KLKB1: variants seen among roughly 807,000 people sequenced by gnomAD.
KLKB1 encodes the protein kallikrein B1, also known as plasma kallikrein.
KLKB1 carries 58 observed loss-of-function variants against 73.6 expected under a neutral mutation model. The ratio of observed to expected loss-of-function variants is 0.79; its 90% CI spans 0.64 to 0.98. The LOEUF (loss-of-function observed/expected upper bound fraction) is 0.98, where lower values mean the gene tolerates loss of function less well. Ranked by LOEUF, KLKB1 falls within the 50% of genes least tolerant of loss-of-function variation. The pLI is 0.00. For synonymous variants in KLKB1, 280 were observed against 258.1 expected (o/e 1.08, Z -0.81); for missense variants, 737 against 763.8 (o/e 0.96, Z 0.41).
At chr4:186,225,505 C>T (rs1244404025), upstream of KLKB1, among the ~76,000 whole-genome samples, 3 of 145,778 alleles carry the variant, frequency 2.1e-5, no homozygotes, top group African/African-American at 5.2e-5. Flanking sequence ...AATCTCGGCT[C>T]ACTGCAAGCT....
intron 2 of KLKB1, among the ~76,000 whole-genome samples, chr4:186,231,725 C>A (rs942420341): frequency 1.3e-5 from 2 of 152,196 alleles, no homozygotes; most frequent in African/African-American, 4.8e-5. Context: ...TCTAATTTCC[C>A]TTACAGAATT....
At position 186,245,885 on chromosome 4, in the gene KLKB1, C is replaced by T. The variant is rs4253368; in HGVS notation, c.599-4358C>T. 5.7e-3 allele frequency among the ~76,000 whole-genome samples: 821 copies of T among 144,362 alleles called. 8 individuals carry two copies. The highest frequency in any genetic ancestry group is 0.02 in the African/African-American group (776 of 39,542). 94.7% of individuals were successfully genotyped at this position (144,362 alleles called of 152,430 possible). A position where few individuals can be genotyped will look rare whatever the true frequency, so the allele number is the denominator to read the frequency against. On this transcript the variant is annotated intron_variant, in intron 6 of 14. Coordinates refer to ENST00000264690, the MANE Select transcript of KLKB1 (RefSeq NM_000892.5). ...TAAAATGCATATTGAGAATAAGAGG[C>T]CTTCTGACCCTTCTGGGTCTAGGGC...
chr4:186,243,122 G>A (rs1339506842), intron 6 of KLKB1, among the ~76,000 whole-genome samples: 1 of 152,188 alleles, frequency 6.6e-6, no homozygotes, highest in African/African-American at 2.4e-5. Flanking sequence ...TGCCAGTCCT[G>A]GGCGGGGGCA....
chr4:186,254,670 A>G lies in KLKB1; in HGVS notation c.1396A>G (p.Ile466Val), dbSNP rs140816495. Residue 466 changes from isoleucine to valine, a missense_variant, in exon 12 of 15, where the codon ATA (isoleucine) becomes GTA (valine). Transcript: ENST00000264690. ...DITKDTPFSQIKEIIIHQNYK... is the reference protein window; with the variant it reads ...DITKDTPFSQVKEIIIHQNYK... The stretch of plus-strand genomic sequence containing the variant: ...TACAAAAGATACACCTTTCTCACAA[A>G]TAAAAGAGATTATTATTCACCAAAA... 2.3e-5 allele frequency: 37 copies of G among 1,613,594 alleles called. No homozygotes were observed. The African/African-American group carries it at 4.5e-4, about 20-fold the overall frequency.
upstream of KLKB1, among the ~76,000 whole-genome samples, chr4:186,224,369 G>A (rs1737105193): frequency 6.6e-6 from 1 of 152,228 alleles, no homozygotes; most frequent in African/African-American, 2.4e-5. Context: ...CAGGCACTCA[G>A]TGCCGGCCCA....
At chr4:186,222,801 A>T (rs1737059072), upstream of KLKB1, among the ~76,000 whole-genome samples, 1 of 152,100 alleles carries the variant, frequency 6.6e-6, no homozygotes, top group Non-Finnish European at 1.5e-5. Flanking sequence ...TAAACTTGAG[A>T]ATTCCCTTTA....
At chr4:186,254,021 C>CG (rs1455021824) in intron 11 of KLKB1, among the ~76,000 whole-genome samples, 2 of 152,076 alleles carry the variant, frequency 1.3e-5, no homozygotes, top group African/African-American at 2.4e-5. Context: ...TTAGTAGAGA[C>CG]GAGGTTTCAT....
At chr4:186,225,533 A>G (rs9994208), upstream of KLKB1, among the ~76,000 whole-genome samples, 104,506 of 150,344 alleles carry the variant, frequency 0.7, 36,897 homozygotes, top group African/African-American at 0.81. Flanking sequence ...CTGGGTTCAC[A>G]CCATTTTCCT....
intron 2 of KLKB1, among the ~76,000 whole-genome samples, chr4:186,213,958 AT>A (rs1248830474): frequency 6.6e-6 from 1 of 152,028 alleles, no homozygotes; most frequent in African/African-American, 2.4e-5. Flanking sequence ...TTCTGTTCTC[AT>A]CTTTTTCCTT....
chr4:186,225,017 G>A (rs369434108), upstream of KLKB1, among the ~76,000 whole-genome samples: 3 of 152,084 alleles, frequency 2.0e-5, no homozygotes, highest in South Asian at 2.1e-4. Context: ...TCTCTCTCTC[G>A]TATCACCTTG....
intron 6 of KLKB1, among the ~76,000 whole-genome samples, chr4:186,245,802 G>GTTTTTTTTTTTTTTTTTTTT (rs755207618): frequency 1.8e-5 from 1 of 54,934 alleles, no homozygotes; most frequent in Non-Finnish European, 4.3e-5. Context: ...AATTTTTGGA[G>GTTTTTTTTTTTTTTTTTTTT]TTTTTTTTTG....
chr4:186,216,775 A>G (rs971238064), intron 2 of KLKB1, among the ~76,000 whole-genome samples: 2 of 152,180 alleles, frequency 1.3e-5, no homozygotes, highest in African/African-American at 2.4e-5. Context: ...GCGCTGGAGC[A>G]CTTCCCTGCT....
intron 6 of KLKB1, among the ~76,000 whole-genome samples, chr4:186,239,037 G>T (rs55963433): frequency 6.8e-5 from 9 of 131,732 alleles, no homozygotes; most frequent in African/African-American, 2.8e-4. Context: ...GATACTGTTA[G>T]AGTTATAGGT....
chr4:186,212,589 C>G (rs778962474), intron 2 of KLKB1: 7 of 152,186 alleles, frequency 4.6e-5, no homozygotes, highest in Non-Finnish European at 8.8e-5. Flanking sequence ...CCTCAGTAAT[C>G]TCCAATCTCT....
chr4:186,225,907 T>C (rs1158980917), upstream of KLKB1, among the ~76,000 whole-genome samples: 1 of 152,188 alleles, frequency 6.6e-6, no homozygotes, highest in African/African-American at 2.4e-5. Context: ...GCATATTAAT[T>C]TTCTTAACAG....
At chr4:186,212,513 C>A (rs995339280) in intron 2 of KLKB1, 7 of 152,162 alleles carry the variant, frequency 4.6e-5, no homozygotes, top group African/African-American at 1.7e-4. Flanking sequence ...GTTTTGTTTT[C>A]AATTTTTATT....
At chr4:186,229,914 T>C (rs991810068) in intron 2 of KLKB1, among the ~76,000 whole-genome samples, 1 of 152,196 alleles carries the variant, frequency 6.6e-6, no homozygotes, top group African/African-American at 2.4e-5. Context: ...AGCTTTTCTT[T>C]AGACATCTAG....
chr4:186,248,431 A>G (rs886735643), intron 6 of KLKB1, among the ~76,000 whole-genome samples: 2 of 151,974 alleles, frequency 1.3e-5, no homozygotes, highest in African/African-American at 4.8e-5. Context: ...AATGCAGCAC[A>G]TTTTGCATCT....
intron 6 of KLKB1, 50 bp downstream of exon 6, chr4:186,238,415 C>A (rs766771344): frequency 8.0e-7 from 1 of 1,249,154 alleles, no homozygotes; most frequent in Non-Finnish European, 1.2e-6. Flanking sequence ...GGAATAGGAG[C>A]CCCCAGAGAC....
Sources: gnomAD v4.1 joint callset for allele counts (sites outside exome capture counted in the v4.1 genomes callset) on GRCh38, gnomAD v4.1.1 for gene constraint, MANE v1.5 for transcripts, NCBI Gene and HGNC (gene_info 2026-07-23, HGNC 2026-07-21) for gene names.